The following PRKD1 variants were observed in gnomAD, a reference collection of about 807,000 sequenced individuals.
The protein encoded by PRKD1 is protein kinase D1, also known as serine/threonine-protein kinase D1.
PRKD1 carries 63 observed loss-of-function variants against 95.9 expected under a neutral mutation model. The observed-to-expected ratio is 0.66, with a 90% CI of 0.54 to 0.81. PRKD1 has a LOEUF of 0.81. PRKD1 is among the 30% of genes least tolerant of loss of function. The pLI is 0.00. For synonymous variants in PRKD1, 425 were observed against 423.1 expected (o/e 1.00, Z -0.05); for missense variants, 1,048 against 1,165.3 (o/e 0.90, Z 1.47).
At chr14:29,843,640 A>ATAT (rs1891959539) in intron 1 of PRKD1, among the ~76,000 whole-genome samples, 1 of 152,218 alleles carries the variant, frequency 6.6e-6, no homozygotes, top group Non-Finnish European at 1.5e-5. Context: ...TTTATTGAGC[A>ATAT]TCTATACTAT....
chr14:29,851,784 T>A (rs1892317821), intron 1 of PRKD1, among the ~76,000 whole-genome samples: 1 of 152,154 alleles, frequency 6.6e-6, no homozygotes, highest in Non-Finnish European at 1.5e-5. Flanking sequence ...TACACTTATA[T>A]GTTCATCACA....
At chr14:29,655,230 T>TA (rs1881764542) in intron 4 of PRKD1, among the ~76,000 whole-genome samples, 2 of 152,182 alleles carry the variant, frequency 1.3e-5, no homozygotes, top group Admixed American at 6.5e-5. Context: ...TACAAGACTA[T>TA]AAAAAATTAC....
At chr14:29,775,269 C>T (rs753012994) in intron 1 of PRKD1, among the ~76,000 whole-genome samples, 15 of 152,182 alleles carry the variant, frequency 9.9e-5, no homozygotes, top group Admixed American at 2.6e-4. Context: ...GTACCAGGTT[C>T]GTCTCATTGG....
chr14:29,609,701 C>T (rs1020817546), intron 13 of PRKD1, among the ~76,000 whole-genome samples: 2 of 131,208 alleles, frequency 1.5e-5, no homozygotes, highest in Non-Finnish European at 3.2e-5. Context: ...CCACCACGCC[C>T]AGCTATTTCT....
intron 8 of PRKD1, among the ~76,000 whole-genome samples, 175 bp from the exon 9 acceptor site, chr14:29,633,121 CAT>C (rs779157055): frequency 3.9e-5 from 6 of 152,246 alleles, no homozygotes; most frequent in East Asian, 1.9e-4. Flanking sequence ...CTATTTAGCA[CAT>C]GTCTGATAAG....
intron 1 of PRKD1, among the ~76,000 whole-genome samples, chr14:29,787,080 A>G (rs983378602): frequency 6.6e-6 from 1 of 151,628 alleles, no homozygotes; most frequent in Non-Finnish European, 1.5e-5. Context: ...TTATTTCTTC[A>G]TTGACTCACT....
intron 1 of PRKD1, among the ~76,000 whole-genome samples, chr14:29,816,028 G>A (rs933043399): frequency 1.3e-5 from 2 of 152,102 alleles, no homozygotes; most frequent in African/African-American, 2.4e-5. Flanking sequence ...GACCATCCTG[G>A]CCAACATGGT....
At chr14:29,849,470 C>T (rs550549204) in intron 1 of PRKD1, among the ~76,000 whole-genome samples, 43 of 152,000 alleles carry the variant, frequency 2.8e-4, no homozygotes, top group Admixed American at 4.6e-4. Context: ...ATAAATTCCT[C>T]AAAACAGACA....
chr14:29,840,857 C>T (rs1016972815), intron 1 of PRKD1, among the ~76,000 whole-genome samples: 1 of 152,348 alleles, frequency 6.6e-6, no homozygotes, highest in East Asian at 1.9e-4. Flanking sequence ...TCAATCACTT[C>T]CTACCAGGTC....
Position 29,598,531 on chromosome 14 carries a change from C to A in PRKD1, c.2166+496G>T, listed in dbSNP as rs553298414. Reference sequence around the variant, plus strand: ...GATGTGTCATGTCATCCACAATAATCCTCAAAATTAGCTCTGCACTGGCAC... The same window carrying A: ...GATGTGTCATGTCATCCACAATAATACTCAAAATTAGCTCTGCACTGGCAC... On this transcript the variant is annotated intron_variant, in intron 15 of 17. Transcript: ENST00000331968. 9.2e-5 allele frequency among the ~76,000 whole-genome samples: 14 copies of A among 152,182 alleles called. No homozygotes were observed. In the South Asian group the frequency reaches 2.7e-3, roughly 29 times the overall value.
chr14:29,719,333 TTAAA>T (rs1456453394), intron 2 of PRKD1, among the ~76,000 whole-genome samples: 3 of 152,164 alleles, frequency 2.0e-5, no homozygotes, highest in Admixed American at 6.5e-5. Flanking sequence ...AGTATATGAA[TTAAA>T]TATTTACATT....
chr14:29,892,278 T>C (rs577579318), intron 1 of PRKD1, among the ~76,000 whole-genome samples: 70 of 152,264 alleles, frequency 4.6e-4, no homozygotes, highest in African/African-American at 1.6e-3. Flanking sequence ...ATGCAGGAGA[T>C]ATGGGGTAAG....
At chr14:29,763,661 C>T (rs1397650542) in intron 1 of PRKD1, among the ~76,000 whole-genome samples, 1 of 152,142 alleles carries the variant, frequency 6.6e-6, no homozygotes, top group Non-Finnish European at 1.5e-5. Flanking sequence ...GCCCCAGGGT[C>T]TTCCACAGAT....
chr14:29,785,357 C>CT (rs1889222560), intron 1 of PRKD1, among the ~76,000 whole-genome samples: 1 of 151,866 alleles, frequency 6.6e-6, no homozygotes, highest in African/African-American at 2.4e-5. Flanking sequence ...TCCTGATTTC[C>CT]TTTTTTGGCT....
intron 13 of PRKD1, among the ~76,000 whole-genome samples, chr14:29,601,598 G>C (rs2139019963): frequency 6.6e-6 from 1 of 152,220 alleles, no homozygotes; most frequent in Admixed American, 6.5e-5. Flanking sequence ...GAGATAGTTG[G>C]GGTTCACAAA....
chr14:29,922,351 A>G (rs1378782708), intron 1 of PRKD1, among the ~76,000 whole-genome samples: 2 of 151,654 alleles, frequency 1.3e-5, no homozygotes, highest in Non-Finnish European at 2.9e-5. Flanking sequence ...TGTAAAGCAG[A>G]GTTTCTCTTT....
intron 1 of PRKD1, among the ~76,000 whole-genome samples, chr14:29,921,824 C>A (rs1236557902): frequency 6.6e-6 from 1 of 152,164 alleles, no homozygotes; most frequent in East Asian, 1.9e-4. Context: ...ACACAGTGTA[C>A]TTTTACTCTT....
intron 12 of PRKD1, among the ~76,000 whole-genome samples, chr14:29,625,287 C>T (rs1879544022): frequency 6.6e-6 from 1 of 152,168 alleles, no homozygotes; most frequent in African/African-American, 2.4e-5. Flanking sequence ...AAGGCCATGA[C>T]TTCTTTCATC....
At chr14:29,633,272 G>A (rs1880150393) in intron 8 of PRKD1, among the ~76,000 whole-genome samples, 1 of 152,152 alleles carries the variant, frequency 6.6e-6, no homozygotes, top group Non-Finnish European at 1.5e-5. Context: ...AAGGGCTAAA[G>A]GTGGATGTAT....
Sources: gnomAD v4.1 joint callset for allele counts (sites outside exome capture counted in the v4.1 genomes callset) on GRCh38, gnomAD v4.1.1 for gene constraint, MANE v1.5 for transcripts, NCBI Gene and HGNC (gene_info 2026-07-23, HGNC 2026-07-21) for gene names.